PACSIN1: variants seen among roughly 807,000 people sequenced by gnomAD.
PACSIN1 encodes protein kinase C and casein kinase substrate in neurons protein 1.
A neutral mutation model predicts 59.5 loss-of-function variants in PACSIN1; 15 were observed. The observed-to-expected ratio is 0.25, with a 90% CI of 0.17 to 0.39. The LOEUF is 0.39. Ranked by LOEUF, PACSIN1 falls within the 10% of genes least tolerant of loss-of-function variation. The pLI, the probability that PACSIN1 is intolerant of heterozygous loss-of-function variation, is 1.00. For synonymous variants in PACSIN1, 210 were observed against 220.6 expected (o/e 0.95, Z 0.42); for missense variants, 420 against 580.2 (o/e 0.72, Z 2.84).
chr6:34,476,468 C>G lies in PACSIN1; in HGVS notation c.-64+10198C>G, dbSNP rs971571066. ...GCAGGATATCTGGTGTCACCTCTATCATCAGCTCCATCGGACACTGGGCTG... is the reference window on the plus strand; with the variant it reads ...GCAGGATATCTGGTGTCACCTCTATGATCAGCTCCATCGGACACTGGGCTG... On this transcript the variant is annotated intron_variant, in intron 1 of 9. Transcript: ENST00000244458. Among the ~76,000 whole-genome samples the G allele has an allele frequency of 3.4e-5, 5 of 147,024 alleles. No homozygotes were observed. The East Asian group carries it at 8.9e-4, about 26-fold the overall frequency.
intron 1 of PACSIN1, among the ~76,000 whole-genome samples, chr6:34,506,188 A>C (rs779671693): frequency 1.1e-4 from 16 of 148,560 alleles, no homozygotes; most frequent in Non-Finnish European, 2.1e-4. Flanking sequence ...TAAAGTTGAG[A>C]TTTTCCTGGT....
intron 1 of PACSIN1, among the ~76,000 whole-genome samples, chr6:34,495,452 CCTT>C: frequency 6.6e-6 from 1 of 150,734 alleles, no homozygotes; most frequent in Non-Finnish European, 1.5e-5. Flanking sequence ...TCAGGAATAT[CCTT>C]TTTTTTTTTT....
intron 1 of PACSIN1, among the ~76,000 whole-genome samples, chr6:34,475,377 G>T (rs1431984507): frequency 6.6e-6 from 1 of 152,206 alleles, no homozygotes; most frequent in Non-Finnish European, 1.5e-5. Flanking sequence ...CCTGTCTCAA[G>T]TCTGGTCTTC....
intron 1 of PACSIN1, among the ~76,000 whole-genome samples, chr6:34,480,878 T>G (rs1175500821): frequency 6.6e-6 from 1 of 151,956 alleles, no homozygotes; most frequent in South Asian, 2.1e-4. Context: ...TGGTCCACAT[T>G]CTTGCAGGTA....
At chr6:34,504,512 AACTCCTG>A (rs1396290959) in intron 1 of PACSIN1, among the ~76,000 whole-genome samples, 6 of 151,958 alleles carry the variant, frequency 3.9e-5, no homozygotes, top group Non-Finnish European at 7.4e-5. Context: ...GCTGATCTCG[AACTCCTG>A]ACCTCAAGTG....
At chr6:34,469,376 C>G (rs1766540474) in intron 1 of PACSIN1, among the ~76,000 whole-genome samples, 1 of 152,174 alleles carries the variant, frequency 6.6e-6, no homozygotes, top group Non-Finnish European at 1.5e-5. Flanking sequence ...TGATTTCCAG[C>G]CAGGGGCAGG....
rs1053383049 is a variant in PACSIN1, at chr6:34,532,030, C to T, written c.1225+243C>T. On this transcript the variant is annotated intron_variant, in intron 9 of 9. Coordinates refer to ENST00000244458, the MANE Select transcript of PACSIN1 (RefSeq NM_020804.5). This position sits in a 1 kb window ranked among gnomAD's most constrained non-coding sequence, Gnocchi z 5.2. ...GTGGGGTAGAGGCAGGATCTGAAGA[C>T]GGGTTGCGAGGATTTGCAGGGAACT... Among the ~76,000 whole-genome samples the T allele has an allele frequency of 2.0e-5, 3 of 151,918 alleles. No individual in the cohort carries two copies. The highest frequency in any genetic ancestry group is 1.9e-4 in the East Asian group (1 of 5,182).
Position 34,514,818 on chromosome 6 carries a change from G to T in PACSIN1, c.-63-11425G>T, listed in dbSNP as rs1581978119. 1 of 152,830 alleles carries T rather than the reference G, an allele frequency of 6.5e-6. No individual in the cohort carries two copies. The highest frequency in any genetic ancestry group is 1.5e-5 in the Non-Finnish European group (1 of 68,272). 9.5% of individuals were successfully genotyped at this position (152,830 alleles called of 1,614,324 possible). On this transcript the variant is annotated intron_variant, in intron 1 of 9. Transcript: ENST00000244458. This position sits in a 1 kb window ranked among gnomAD's most constrained non-coding sequence, Gnocchi z 4.4. ...GAGGTGGGTGGCTGGAGAAGGAGGC[G>T]GGTCGGGATCGGGGAGTGGGGAGGA...
chr6:34,503,099 CA>C (rs953691898), intron 1 of PACSIN1, among the ~76,000 whole-genome samples: 9 of 151,716 alleles, frequency 5.9e-5, no homozygotes, highest in African/African-American at 2.2e-4. Flanking sequence ...ACTATCACTA[CA>C]AAAAAACAAA....
chr6:34,486,348 G>T (rs1424404492), intron 1 of PACSIN1, among the ~76,000 whole-genome samples: 1 of 152,146 alleles, frequency 6.6e-6, no homozygotes, highest in Non-Finnish European at 1.5e-5. Context: ...ACAGCCATGG[G>T]GTGAAGTAGG....
intron 1 of PACSIN1, among the ~76,000 whole-genome samples, chr6:34,520,459 A>C (rs1259651588): frequency 1.3e-5 from 2 of 152,156 alleles, no homozygotes; most frequent in African/African-American, 4.8e-5. Context: ...AGCCAGGAGC[A>C]GGGGCAGGGG....
chr6:34,532,434 C>A lies in PACSIN1; in HGVS notation c.1239C>A (p.Thr413=), dbSNP rs1163228684. Residue 413 remains threonine (T), a synonymous_variant, in exon 10 of 10, where the codon ACC becomes ACA. Coordinates refer to ENST00000244458, the MANE Select transcript of PACSIN1 (RefSeq NM_020804.5). This position sits in a 1 kb window ranked among gnomAD's most constrained non-coding sequence, Gnocchi z 5.2. ...TCTCTTTCCCAGGAGACGAACTCAC[C>A]AAGCTGGGCGAGGAGGATGAGCAGG... ...ELSFKAGDEL[T]KLGEEDEQGW... The A allele has an allele frequency of 1.3e-6, 2 of 1,570,266 alleles. No homozygotes were observed. The highest frequency in any genetic ancestry group is 1.7e-6 in the Non-Finnish European group (2 of 1,157,232).
intron 1 of PACSIN1, among the ~76,000 whole-genome samples, chr6:34,477,094 C>T (rs1766648675): frequency 6.6e-6 from 1 of 152,216 alleles, no homozygotes; most frequent in South Asian, 2.1e-4. Flanking sequence ...TTCCAAACCT[C>T]AGCCCTGAGG....
In PACSIN1 at chr6:34,525,710, T is replaced by C. The variant is rs1278254879; in HGVS notation, c.-63-533T>C. ...GCCCTGGGGCAGCGCACGGCCTAGA[T>C]TGGATAACCCTGATGCCTGCCGACA... On this transcript the variant is annotated intron_variant, in intron 1 of 9. Transcript: ENST00000244458. The surrounding 1 kb of genome is among the most constrained non-coding windows in gnomAD (Gnocchi z 4.9). Among the ~76,000 whole-genome samples, 1 of 151,730 alleles carries C rather than the reference T, an allele frequency of 6.6e-6. No homozygotes were observed. Among genetic ancestry groups the C allele is most frequent in the East Asian group, 1.9e-4 (1 of 5,138 alleles).
intron 1 of PACSIN1, among the ~76,000 whole-genome samples, chr6:34,506,396 G>A (rs1767115146): frequency 6.6e-6 from 1 of 151,984 alleles, no homozygotes; most frequent in Non-Finnish European, 1.5e-5. Context: ...TTTTCATTTT[G>A]TAGAGACAGG....
At chr6:34,513,419 G>A (rs1767236423) in intron 1 of PACSIN1, among the ~76,000 whole-genome samples, 1 of 152,140 alleles carries the variant, frequency 6.6e-6, no homozygotes, top group Non-Finnish European at 1.5e-5. Context: ...AGGGGCTGCA[G>A]TGACCCTTGC....
At chr6:34,524,304 C>T (rs1201405280) in intron 1 of PACSIN1, among the ~76,000 whole-genome samples, 6 of 152,160 alleles carry the variant, frequency 3.9e-5, no homozygotes, top group Admixed American at 3.9e-4. Flanking sequence ...AGCTCTCCCC[C>T]AGCACAGGCC....
In PACSIN1 at chr6:34,530,693, G is replaced by A; in HGVS notation, c.1037+106G>A. On this transcript the variant is annotated intron_variant, in intron 8 of 9. Coordinates refer to ENST00000244458, the MANE Select transcript of PACSIN1 (RefSeq NM_020804.5). The surrounding 1 kb of genome is among the most constrained non-coding windows in gnomAD (Gnocchi z 4.4). ...AAATGGTCTAGATCATAGCAACTAT[G>A]TCTCCTCTCTAAAAGATAGTGGTAG... The A allele has an allele frequency of 4.2e-6, 5 of 1,184,676 alleles. No homozygotes were observed. The highest frequency in any genetic ancestry group is 7.0e-5 in the Admixed American group (2 of 28,714). The allele number at this position is 1,184,676 out of a possible 1,614,324, so 73.4% of individuals were successfully genotyped here.
In PACSIN1 at chr6:34,466,271, G is replaced by C. The variant is rs1766494754; in HGVS notation, c.-64+1G>C. 1 of 152,262 alleles carries C rather than the reference G, an allele frequency of 6.6e-6. No individual in the cohort carries two copies. Among genetic ancestry groups the C allele is most frequent in the Non-Finnish European group, 1.5e-5 (1 of 68,112 alleles). 9.4% of individuals were successfully genotyped at this position (152,262 alleles called of 1,614,324 possible). A position where few individuals can be genotyped will look rare whatever the true frequency, so the allele number is the denominator to read the frequency against. On this transcript the variant is annotated splice_donor_variant, in intron 1 of 9. Transcript: ENST00000244458. LOFTEE classifies it low-confidence loss of function (5UTR_SPLICE). ...TGGTCCCCGGAGCTCCTGCCCCCAG[G>C]TAGGAGGTCTGGCCCTTGAATAGAG...
Sources: allele counts gnomAD v4.1 joint callset (sites outside exome capture counted in the v4.1 genomes callset), GRCh38; gene constraint gnomAD v4.1.1; non-coding constraint Gnocchi (gnomAD v3.1); transcripts MANE v1.5; gene names NCBI Gene and HGNC (gene_info 2026-07-23, HGNC 2026-07-21).